PLEKHA5: variants seen among roughly 807,000 people sequenced by gnomAD.
PLEKHA5 encodes the protein pleckstrin homology domain-containing family A member 5.
Under a neutral mutation model 181.9 loss-of-function variants are expected in PLEKHA5, and 55 were observed. That is an observed-to-expected ratio of 0.30 (90% confidence interval 0.24 to 0.38). The LOEUF is 0.38. PLEKHA5 is among the 10% of genes least tolerant of loss of function. The pLI is 1.00. For synonymous variants in PLEKHA5, 535 were observed against 529.4 expected (o/e 1.01, Z -0.15); for missense variants, 1,432 against 1,549.5 (o/e 0.92, Z 1.27).
At chr12:19,222,362 T>C (rs938780044) in intron 3 of PLEKHA5, among the ~76,000 whole-genome samples, 11 of 152,156 alleles carry the variant, frequency 7.2e-5, no homozygotes, top group Non-Finnish European at 1.5e-4. Flanking sequence ...GTAAAAATCT[T>C]GGTACAGTTT....
At chr12:19,298,589 G>C (rs1266688755) in intron 15 of PLEKHA5, among the ~76,000 whole-genome samples, 1 of 151,262 alleles carries the variant, frequency 6.6e-6, no homozygotes, top group Non-Finnish European at 1.5e-5. Context: ...GGCTGGTCTC[G>C]AACTCCTGCC....
At chr12:19,200,005 T>G (rs2053817454) in intron 3 of PLEKHA5, among the ~76,000 whole-genome samples, 1 of 152,034 alleles carries the variant, frequency 6.6e-6, no homozygotes, top group Admixed American at 6.6e-5. Flanking sequence ...TGGAGAAAGG[T>G]TGGTTAGTGG....
chr12:19,216,244 A>G (rs1237277927), intron 3 of PLEKHA5, among the ~76,000 whole-genome samples: 1 of 152,216 alleles, frequency 6.6e-6, no homozygotes, highest in Non-Finnish European at 1.5e-5. Flanking sequence ...GCAGCTAAAT[A>G]GGCAGGCTTC....
intron 11 of PLEKHA5, among the ~76,000 whole-genome samples, chr12:19,275,245 G>A (rs1029734371): frequency 1.3e-5 from 2 of 152,082 alleles, no homozygotes; most frequent in East Asian, 1.9e-4. Flanking sequence ...GGCAGAGATC[G>A]AGTTTATTTG....
At chr12:19,317,268 G>A (rs377204532) in intron 16 of PLEKHA5, among the ~76,000 whole-genome samples, 213 of 152,054 alleles carry the variant, frequency 1.4e-3, no homozygotes, top group Middle Eastern at 3.4e-3. Flanking sequence ...TCAGGAGGCT[G>A]AGACAGGAGT....
chr12:19,306,936 T>G (rs2084006347), intron 15 of PLEKHA5: 2 of 947,588 alleles, frequency 2.1e-6, no homozygotes, highest in Non-Finnish European at 3.3e-6. Flanking sequence ...GTCTTCTGCT[T>G]GGTGTTGGGC....
intron 3 of PLEKHA5, among the ~76,000 whole-genome samples, chr12:19,250,421 T>G (rs1173773244): frequency 6.6e-6 from 1 of 152,030 alleles, no homozygotes; most frequent in Non-Finnish European, 1.5e-5. Flanking sequence ...CCCTCTCTAC[T>G]AAAACTACAA....
intron 3 of PLEKHA5, among the ~76,000 whole-genome samples, chr12:19,235,577 A>T (rs1157995072): frequency 6.6e-6 from 1 of 152,122 alleles, no homozygotes; most frequent in African/African-American, 2.4e-5. Context: ...GTATTACATT[A>T]TTATGTTTAT....
intron 3 of PLEKHA5, among the ~76,000 whole-genome samples, chr12:19,168,942 C>T (rs2151625992): frequency 6.6e-6 from 1 of 152,264 alleles, no homozygotes; most frequent in East Asian, 1.9e-4. Flanking sequence ...GTTTCTGTCT[C>T]TTTTTCTGTA....
chr12:19,192,608 CAGG>C (rs1440334688), intron 3 of PLEKHA5, among the ~76,000 whole-genome samples: 1 of 152,142 alleles, frequency 6.6e-6, no homozygotes, highest in Admixed American at 6.5e-5. Context: ...GTGGCTGAGG[CAGG>C]AGAATTGCTT....
Position 19,212,841 on chromosome 12 carries a change from T to G in PLEKHA5, c.228-41099T>G, listed in dbSNP as rs60129981. On this transcript the variant is annotated intron_variant, in intron 3 of 31. Coordinates refer to ENST00000429027, the MANE Select transcript of PLEKHA5 (RefSeq NM_001256470.2). The stretch of plus-strand genomic sequence containing the variant: ...GAGTGGGTTTTTTTTTGTTGTTTTT[T>G]TTTTTTTTTTAATTTCAGGCTCCCG... Among the ~76,000 whole-genome samples the G allele has an allele frequency of 1.2e-4, 18 of 150,944 alleles. No individual in the cohort carries two copies. The East Asian group carries it at 3.1e-3, about 26-fold the overall frequency.
chr12:19,227,199 C>T (rs1228131406), intron 3 of PLEKHA5, among the ~76,000 whole-genome samples: 2 of 151,710 alleles, frequency 1.3e-5, no homozygotes, highest in African/African-American at 4.8e-5. Context: ...TGTGATAGAC[C>T]ATTCTTGGTG....
chr12:19,296,432 C>T (rs887408283), intron 15 of PLEKHA5, among the ~76,000 whole-genome samples: 1 of 151,710 alleles, frequency 6.6e-6, no homozygotes, highest in African/African-American at 2.4e-5. Context: ...CCTGTAATGC[C>T]AGCTACTTGG....
intron 15 of PLEKHA5, among the ~76,000 whole-genome samples, chr12:19,313,663 G>T (rs1298774879): frequency 1.3e-5 from 2 of 151,962 alleles, no homozygotes; most frequent in East Asian, 1.9e-4. Flanking sequence ...AAAATAAATG[G>T]TCTAGTCTGA....
At chr12:19,170,428 C>CT (rs58933149) in intron 3 of PLEKHA5, among the ~76,000 whole-genome samples, 15 of 139,978 alleles carry the variant, frequency 1.1e-4, no homozygotes, top group East Asian at 4.1e-4. Context: ...ATTCAGAAGA[C>CT]TTTTTTTTTT....
intron 3 of PLEKHA5, among the ~76,000 whole-genome samples, chr12:19,172,712 T>A (rs2046198321): frequency 6.6e-6 from 1 of 152,152 alleles, no homozygotes; most frequent in South Asian, 2.1e-4. Context: ...CAGTAACCCT[T>A]AAGAGAGCAC....
chr12:19,313,094 C>T (rs2087161957), intron 15 of PLEKHA5, among the ~76,000 whole-genome samples: 2 of 152,120 alleles, frequency 1.3e-5, no homozygotes, highest in South Asian at 4.1e-4. Context: ...ATTTCATCAT[C>T]TCTTATGAGC....
At chr12:19,350,817 C>G (rs982983778) in intron 25 of PLEKHA5, among the ~76,000 whole-genome samples, 50 of 152,128 alleles carry the variant, frequency 3.3e-4, no homozygotes, top group African/African-American at 1.2e-3. Context: ...GTAATGTTCA[C>G]ATAGCTTTTT....
At chr12:19,365,365 C>CAACA (rs2095394755) in intron 29 of PLEKHA5, among the ~76,000 whole-genome samples, 1 of 84,074 alleles carries the variant, frequency 1.2e-5, no homozygotes, top group Non-Finnish European at 2.5e-5. Context: ...GACTCCGTCT[C>CAACA]AAAAAAAAAA....
Sources: allele counts gnomAD v4.1 joint callset (sites outside exome capture counted in the v4.1 genomes callset), GRCh38; gene constraint gnomAD v4.1.1; transcripts MANE v1.5; gene names NCBI Gene and HGNC (gene_info 2026-07-23, HGNC 2026-07-21).